Variants in ARFIP1 observed in about 807,000 individuals in gnomAD.
The protein encoded by ARFIP1 is arfaptin-1.
A neutral mutation model predicts 42.5 loss-of-function variants in ARFIP1; 24 were observed. The observed-to-expected ratio is 0.57, with a 90% CI of 0.41 to 0.80. ARFIP1 has a LOEUF of 0.80. Among genes scored for constraint, ARFIP1 ranks in the 30% least tolerant of loss-of-function variants. The pLI is 0.00. For missense variants in ARFIP1, 354 were observed against 434.0 expected (o/e 0.82, Z 1.64); for synonymous variants, 141 against 153.7 (o/e 0.92, Z 0.61).
At position 152,875,512 on chromosome 4, in the gene ARFIP1, T is replaced by G. The variant is rs970249897; in HGVS notation, c.411+2948T>G. ...TTCACACCCTTATCAAGTTAACCTT[T>G]GATGTCTTTAAACCAGTATCTTTTA... On this transcript the variant is annotated intron_variant, in intron 5 of 8. Transcript: ENST00000353617. Among the ~76,000 whole-genome samples the G allele has an allele frequency of 5.3e-5, 8 of 151,882 alleles. No homozygotes were observed. The South Asian group carries it at 1.0e-3, about 20-fold the overall frequency.
intron 2 of ARFIP1, among the ~76,000 whole-genome samples, chr4:152,842,157 T>C (rs577015771): frequency 3.7e-4 from 57 of 152,104 alleles, no homozygotes; most frequent in African/African-American, 1.3e-3. Flanking sequence ...AAAATGCTAA[T>C]TAGGCAAAAA....
At chr4:152,881,453 A>G (rs1735841236) in intron 6 of ARFIP1, among the ~76,000 whole-genome samples, 1 of 152,068 alleles carries the variant, frequency 6.6e-6, no homozygotes, top group Non-Finnish European at 1.5e-5. Flanking sequence ...TTACTCCTTA[A>G]TCAATATCAA....
intron 1 of ARFIP1, among the ~76,000 whole-genome samples, chr4:152,797,995 T>G (rs370436243): frequency 1.1e-4 from 16 of 152,170 alleles, no homozygotes; most frequent in African/African-American, 3.9e-4. Flanking sequence ...CGGTGGCTCA[T>G]GCCTGTAATC....
chr4:152,910,226 A>T lies in ARFIP1; in HGVS notation c.*7A>T. Reference sequence around the variant, plus strand: ...TTGGCTTGAAGAACAGTAAAATCACAGCGGAAAATAAAAAGAAAGTCGCGT... The same window carrying T: ...TTGGCTTGAAGAACAGTAAAATCACTGCGGAAAATAAAAAGAAAGTCGCGT... On this transcript the variant is annotated 3_prime_UTR_variant, in exon 9 of 9. Transcript: ENST00000353617. The T allele has an allele frequency of 1.2e-6, 2 of 1,606,660 alleles. No homozygotes were observed. Among genetic ancestry groups the T allele is most frequent in the Non-Finnish European group, 1.7e-6 (2 of 1,177,566 alleles).
chr4:152,845,816 A>G (rs1397854156), intron 2 of ARFIP1, among the ~76,000 whole-genome samples: 1 of 152,232 alleles, frequency 6.6e-6, no homozygotes, highest in Admixed American at 6.5e-5. Flanking sequence ...TAAAACTACC[A>G]TCAGACCCAG....
At chr4:152,875,553 T>C (rs1323522843) in intron 5 of ARFIP1, among the ~76,000 whole-genome samples, 1 of 152,132 alleles carries the variant, frequency 6.6e-6, no homozygotes, top group African/African-American at 2.4e-5. Context: ...TCATGCCTGT[T>C]TTTCTTGTCA....
At chr4:152,851,033 T>C (rs1320741570) in intron 2 of ARFIP1, among the ~76,000 whole-genome samples, 1 of 152,244 alleles carries the variant, frequency 6.6e-6, no homozygotes, top group Non-Finnish European at 1.5e-5. Flanking sequence ...ATAAGTGTTT[T>C]AGTTTGTTTC....
At chr4:152,870,468 TAG>T (rs1459189321) in intron 3 of ARFIP1, among the ~76,000 whole-genome samples, 7 of 152,322 alleles carry the variant, frequency 4.6e-5, no homozygotes, top group African/African-American at 1.4e-4. Flanking sequence ...TTGGAAATAG[TAG>T]AGTCCAGTTA....
At chr4:152,889,025 A>C (rs928118578) in intron 8 of ARFIP1, among the ~76,000 whole-genome samples, 2 of 152,162 alleles carry the variant, frequency 1.3e-5, no homozygotes, top group Non-Finnish European at 1.5e-5. Context: ...TGCAGTCCTG[A>C]ACAGATGGGT....
At position 152,805,168 on chromosome 4, in the gene ARFIP1, T is replaced by C. The variant is rs536824791; in HGVS notation, c.-9-24457T>C. On this transcript the variant is annotated intron_variant, in intron 1 of 8. Coordinates refer to ENST00000353617, the MANE Select transcript of ARFIP1 (RefSeq NM_001025595.3). ...AACTTGCTAGACCATTTCAGAGTTA[T>C]CACCTGATACTCAAAAGCATTCATA... Among the ~76,000 whole-genome samples the C allele has an allele frequency of 5.3e-5, 8 of 152,336 alleles. No individual in the cohort carries two copies. In the East Asian group the frequency reaches 1.4e-3, roughly 26 times the overall value.
rs114252513 is a variant in ARFIP1, at chr4:152,825,496, A to G, written c.-9-4129A>G. Among the ~76,000 whole-genome samples, 1,059 of 152,332 alleles carry G rather than the reference A, an allele frequency of 7.0e-3. 9 individuals are homozygous for G. The highest frequency in any genetic ancestry group is 0.012 in the Admixed American group (184 of 15,300). On this transcript the variant is annotated intron_variant, in intron 1 of 8. Transcript: ENST00000353617. ...TGCTGAGGAAATTGGATAACCATGTAGAAGAATGAAACTGGACCCTTGCCT... is the reference window on the plus strand; with the variant it reads ...TGCTGAGGAAATTGGATAACCATGTGGAAGAATGAAACTGGACCCTTGCCT...
At chr4:152,839,473 C>G (rs1160499631) in intron 2 of ARFIP1, among the ~76,000 whole-genome samples, 1 of 152,068 alleles carries the variant, frequency 6.6e-6, no homozygotes, top group Non-Finnish European at 1.5e-5. Context: ...TATTGATCTG[C>G]TCGGGGTATC....
At chr4:152,883,215 C>T (rs976679890) in intron 7 of ARFIP1, 2 of 227,796 alleles carry the variant, frequency 8.8e-6, no homozygotes, top group Admixed American at 5.6e-5. Context: ...TCTAATTGAG[C>T]CTTGGTCATG....
intron 2 of ARFIP1, among the ~76,000 whole-genome samples, chr4:152,847,741 C>G (rs1732678322): frequency 6.6e-6 from 1 of 152,090 alleles, no homozygotes; most frequent in South Asian, 2.1e-4. Flanking sequence ...ATTTGCAACT[C>G]ATACCATGAG....
chr4:152,888,925 A>G (rs544133377), intron 8 of ARFIP1, among the ~76,000 whole-genome samples: 1 of 152,268 alleles, frequency 6.6e-6, no homozygotes, highest in East Asian at 1.9e-4. Context: ...CATGTTTGAC[A>G]TATCTCTATT....
intron 1 of ARFIP1, 58 bp downstream of exon 1, chr4:152,780,284 T>G (rs952754224): frequency 6.6e-5 from 10 of 152,506 alleles, no homozygotes; most frequent in African/African-American, 2.2e-4. Flanking sequence ...TTGAGGTGGC[T>G]GGTGGGGCGG....
At chr4:152,822,557 C>T (rs999696517) in intron 1 of ARFIP1, among the ~76,000 whole-genome samples, 1 of 152,150 alleles carries the variant, frequency 6.6e-6, no homozygotes, top group African/African-American at 2.4e-5. Context: ...CACTGTAGAA[C>T]AAATAGATCT....
chr4:152,824,031 G>A (rs1730609788), intron 1 of ARFIP1, among the ~76,000 whole-genome samples: 1 of 151,986 alleles, frequency 6.6e-6, no homozygotes, highest in Non-Finnish European at 1.5e-5. Flanking sequence ...TTCCCCATGA[G>A]GCCAGGTGCA....
At chr4:152,819,282 C>G (rs1561120492) in intron 1 of ARFIP1, among the ~76,000 whole-genome samples, 1 of 152,210 alleles carries the variant, frequency 6.6e-6, no homozygotes, top group African/African-American at 2.4e-5. Flanking sequence ...ATGACCTCAA[C>G]TATTGCCATC....
Sources: gnomAD v4.1 joint callset for allele counts (sites outside exome capture counted in the v4.1 genomes callset) on GRCh38, gnomAD v4.1.1 for gene constraint, MANE v1.5 for transcripts, NCBI Gene and HGNC (gene_info 2026-07-23, HGNC 2026-07-21) for gene names.